The following ANK2 variants were observed in gnomAD, a reference collection of about 807,000 sequenced individuals.
ANK2 encodes the protein ankyrin 2.
In ANK2, 83 loss-of-function variants were observed where a neutral mutation model predicts 360.5. The observed-to-expected ratio is 0.23, with a 90% confidence interval of 0.19 to 0.28. The LOEUF (loss-of-function observed/expected upper bound fraction) is 0.28. Among genes scored for constraint, ANK2 ranks in the 10% least tolerant of loss-of-function variants. The pLI, the probability that ANK2 is intolerant of heterozygous loss-of-function variation, is 1.00. For synonymous variants in ANK2, 1,740 were observed against 1,759.5 expected (o/e 0.99, Z 0.28); for missense variants, 4,201 against 4,795.7 (o/e 0.88, Z 3.66).
At chr4:113,262,513 A>C (rs1426251429) in intron 13 of ANK2, among the ~76,000 whole-genome samples, 1 of 152,152 alleles carries the variant, frequency 6.6e-6, no homozygotes, top group African/African-American at 2.4e-5. Flanking sequence ...TACAGGCTTG[A>C]GCCACTGCAA....
chr4:112,867,336 T>TAAAGG (rs1172227485), intron 1 of ANK2, among the ~76,000 whole-genome samples: 3 of 152,096 alleles, frequency 2.0e-5, no homozygotes, highest in Non-Finnish European at 4.4e-5. Context: ...ACTTGTCATT[T>TAAAGG]ATGCCTTATG....
chr4:112,917,845 CT>C (rs2090347844), intron 2 of ANK2, among the ~76,000 whole-genome samples: 1 of 152,124 alleles, frequency 6.6e-6, no homozygotes, highest in African/African-American at 2.4e-5. Flanking sequence ...GTCAATAAAA[CT>C]ATGTGGGAAC....
the ANK2 span, among the ~76,000 whole-genome samples, chr4:112,793,486 T>C: frequency 6.6e-6 from 1 of 152,094 alleles, no homozygotes; most frequent in Non-Finnish European, 1.5e-5. Flanking sequence ...TTTATCATTG[T>C]TATTTACTCT....
chr4:113,108,467 G>A (rs1009906833), intron 1 of ANK2, among the ~76,000 whole-genome samples: 2 of 152,112 alleles, frequency 1.3e-5, no homozygotes, highest in Non-Finnish European at 2.9e-5. Flanking sequence ...GGATCAAAAG[G>A]TTTGGGATAA....
rs1306651190 is a variant in ANK2, at chr4:113,176,616, T to TTTTTA, written c.186+2119_186+2123dup. Among the ~76,000 whole-genome samples the TTTTTA allele has an allele frequency of 4.6e-5, 7 of 152,048 alleles. No individual in the cohort carries two copies. In the East Asian group the frequency reaches 7.7e-4, roughly 17 times the overall value. On this transcript the variant is annotated intron_variant, in intron 2 of 45. Coordinates refer to ENST00000357077, the MANE Select transcript of ANK2 (RefSeq NM_001148.6). ...TGAATATGAAATATTTATTTATTTA[T>TTTTTA]TTTTATTTTATTTTATTTTATTTTT...
At chr4:112,715,986 C>T in the ANK2 span, among the ~76,000 whole-genome samples, 2 of 152,118 alleles carry the variant, frequency 1.3e-5, no homozygotes, top group Non-Finnish European at 2.9e-5. Context: ...TGATACCTGG[C>T]AGTTGGTTTA....
chr4:112,750,564 G>C, the ANK2 span, among the ~76,000 whole-genome samples: 4 of 152,070 alleles, frequency 2.6e-5, no homozygotes, highest in Admixed American at 6.5e-5. Context: ...CCAGACCCAA[G>C]AGAGGGTTCT....
intron 10 of ANK2, among the ~76,000 whole-genome samples, chr4:113,252,441 T>A (rs895387299): frequency 6.6e-6 from 1 of 152,168 alleles, no homozygotes; most frequent in African/African-American, 2.4e-5. Flanking sequence ...CCCTCATTCT[T>A]TGTCAATTCT....
At chr4:113,091,257 C>A (rs2087922447) in intron 1 of ANK2, among the ~76,000 whole-genome samples, 1 of 152,170 alleles carries the variant, frequency 6.6e-6, no homozygotes, top group Non-Finnish European at 1.5e-5. Context: ...AAAATTTTGA[C>A]TTCCCTCAAT....
At chr4:113,108,413 C>A (rs7672118) in intron 1 of ANK2, among the ~76,000 whole-genome samples, 29,612 of 151,970 alleles carry the variant, frequency 0.19, 2,958 homozygotes, top group Non-Finnish European at 0.22. Context: ...ATTAGATAAT[C>A]TAAGATTTAT....
chr4:112,739,060 G>C, the ANK2 span: 1 of 566,414 alleles, frequency 1.8e-6, no homozygotes, highest in Non-Finnish European at 3.4e-6. Context: ...CTGGCCATCA[G>C]AGTCACCAAC....
intron 2 of ANK2, among the ~76,000 whole-genome samples, chr4:113,004,839 G>A (rs2052199078): frequency 6.6e-6 from 1 of 152,144 alleles, no homozygotes; most frequent in African/African-American, 2.4e-5. Context: ...GTGACATCAC[G>A]AGGTGATAGG....
intron 2 of ANK2, among the ~76,000 whole-genome samples, chr4:112,934,853 T>C (rs1252344543): frequency 6.6e-6 from 1 of 152,170 alleles, no homozygotes; most frequent in Non-Finnish European, 1.5e-5. Flanking sequence ...ATGAGAGTGC[T>C]GGGAATAGGA....
chr4:112,922,327 C>T (rs1251854236), intron 2 of ANK2, among the ~76,000 whole-genome samples: 2 of 152,178 alleles, frequency 1.3e-5, no homozygotes, highest in Non-Finnish European at 2.9e-5. Context: ...ATATATGGCT[C>T]ATGGTGTTGC....
chr4:112,753,826 TG>T, the ANK2 span, among the ~76,000 whole-genome samples: 8 of 152,164 alleles, frequency 5.3e-5, no homozygotes, highest in East Asian at 1.2e-3. Context: ...GGCTGGGCAT[TG>T]TGGCTCATCC....
rs559087566 is a variant in ANK2 at position 113,107,172 on chromosome 4, G to A, written c.84+57360G>A. 4.7e-4 allele frequency among the ~76,000 whole-genome samples: 71 copies of A among 152,204 alleles called. 1 individual carries two copies. The South Asian group carries it at 0.014, about 30-fold the overall frequency. The stretch of plus-strand genomic sequence containing the variant: ...ATTAAATACTTTCTCAAGCACACAT[G>A]CTCACTGATTTTAAGACTCATTCCA... On this transcript the variant is annotated intron_variant, in intron 1 of 45. Transcript: ENST00000357077.
intron 2 of ANK2, among the ~76,000 whole-genome samples, chr4:112,907,405 G>T (rs1382410145): frequency 1.3e-5 from 2 of 152,094 alleles, no homozygotes; most frequent in Non-Finnish European, 2.9e-5. Context: ...AAACCATTTT[G>T]AAAAATAAAA....
intron 9 of ANK2, among the ~76,000 whole-genome samples, chr4:113,242,791 G>A (rs550325814): frequency 1.2e-3 from 179 of 152,226 alleles, no homozygotes; most frequent in African/African-American, 4.2e-3. Flanking sequence ...TTTCAAGTTT[G>A]CAGTACACCC....
intron 27 of ANK2, 147 bp downstream of exon 27, chr4:113,330,617 C>A: frequency 1.3e-6 from 1 of 774,838 alleles, no homozygotes; most frequent in Admixed American, 2.4e-5. Flanking sequence ...GGAAGTAGCA[C>A]CTCAATGCTT....
Sources: gnomAD v4.1 joint callset for allele counts (sites outside exome capture counted in the v4.1 genomes callset) on GRCh38, gnomAD v4.1.1 for gene constraint, MANE v1.5 for transcripts, NCBI Gene and HGNC (gene_info 2026-07-23, HGNC 2026-07-21) for gene names.